EIF4G3: variants seen among roughly 807,000 people sequenced by gnomAD.
The protein encoded by EIF4G3 is eIF-4-gamma 3.
Under a neutral mutation model 186.4 loss-of-function variants are expected in EIF4G3, and 34 were observed. The ratio of observed to expected loss-of-function variants is 0.18; its 90% CI spans 0.14 to 0.24. EIF4G3 has a LOEUF of 0.24. Among genes scored for constraint, EIF4G3 ranks in the 10% least tolerant of loss-of-function variants. EIF4G3 has a pLI of 1.00. For synonymous variants in EIF4G3, 673 were observed against 679.5 expected, an observed-to-expected ratio of 0.99 and a Z score of 0.15; for missense variants, 1,536 against 1,948.5, an observed-to-expected ratio of 0.79 and a Z score of 3.99.
chr1:21,047,637 G>A (rs778526540), intron 4 of EIF4G3, among the ~76,000 whole-genome samples: 2 of 151,880 alleles, frequency 1.3e-5, no homozygotes, highest in East Asian at 1.9e-4. Context: ...TCCCTTCTTC[G>A]TGTTTCATAT....
intron 13 of EIF4G3, among the ~76,000 whole-genome samples, chr1:20,943,343 T>TA (rs2095795498): frequency 6.6e-6 from 1 of 152,166 alleles, no homozygotes; most frequent in Non-Finnish European, 1.5e-5. Context: ...TGCATCTGTG[T>TA]ATATATAGAG....
chr1:21,159,839 G>A (rs1377386520), intron 2 of EIF4G3, among the ~76,000 whole-genome samples: 2 of 151,882 alleles, frequency 1.3e-5, no homozygotes, highest in African/African-American at 4.8e-5. Flanking sequence ...AGGTGCGGTG[G>A]CTTACACCTG....
chr1:20,980,931 C>T (rs1166284951), intron 9 of EIF4G3, 117 bp downstream of exon 9: 4 of 754,792 alleles, frequency 5.3e-6, no homozygotes, highest in Non-Finnish European at 7.8e-6. Context: ...ACCAACAAAA[C>T]AGTTCACACG....
intron 4 of EIF4G3, among the ~76,000 whole-genome samples, chr1:21,019,913 C>A (rs1261904441): frequency 6.6e-6 from 1 of 151,884 alleles, no homozygotes; most frequent in Non-Finnish European, 1.5e-5. Flanking sequence ...AAAATGCCCC[C>A]ATGAACATAA....
chr1:20,830,378 C>G (rs942752462), intron 30 of EIF4G3, among the ~76,000 whole-genome samples: 2 of 152,204 alleles, frequency 1.3e-5, no homozygotes, highest in African/African-American at 2.4e-5. Flanking sequence ...ATCCTTAATT[C>G]CAACTTTCTG....
chr1:20,887,158 T>C (rs1326719727), intron 18 of EIF4G3, among the ~76,000 whole-genome samples: 2 of 152,192 alleles, frequency 1.3e-5, no homozygotes, highest in African/African-American at 4.8e-5. Context: ...TGCTGCATGT[T>C]GACAACCTTT....
rs768383970 is a variant in EIF4G3 at position 20,941,627 on chromosome 1, C to T, written c.1527G>A (p.Glu509=). The T allele has an allele frequency of 6.2e-7, 1 of 1,614,154 alleles. No homozygotes were observed. Among genetic ancestry groups the T allele is most frequent in the South Asian group, 1.1e-5 (1 of 91,072 alleles). ...GGCAAGTTCTTATGCTCTCGTCCTC[C>T]TCTAGGACTCTCTGGACTGTGATGG... ...SAAITVQRVL[E]EDESIRTCLS... Residue 509 remains glutamate, a synonymous_variant, in exon 14 of 37, where the codon GAG becomes GAA. Coordinates refer to ENST00000602326, the MANE Select transcript of EIF4G3 (RefSeq NM_001391906.1).
intron 33 of EIF4G3, among the ~76,000 whole-genome samples, chr1:20,822,182 T>C (rs2062551828): frequency 1.3e-5 from 2 of 152,146 alleles, no homozygotes; most frequent in Non-Finnish European, 2.9e-5. Context: ...GGCTGATGTA[T>C]TTATTGACAT....
At chr1:20,926,251 C>T (rs530441568) in intron 14 of EIF4G3, among the ~76,000 whole-genome samples, 4 of 152,258 alleles carry the variant, frequency 2.6e-5, no homozygotes, top group South Asian at 4.1e-4. Flanking sequence ...ACTATATAAC[C>T]TTCAGCAAGT....
chr1:20,934,871 C>T (rs1406570079), intron 14 of EIF4G3, among the ~76,000 whole-genome samples: 6 of 152,172 alleles, frequency 3.9e-5, no homozygotes, highest in Non-Finnish European at 5.9e-5. Flanking sequence ...AGGCCTATGA[C>T]TCTGATCATA....
intron 6 of EIF4G3, among the ~76,000 whole-genome samples, chr1:20,999,554 C>T (rs557881703): frequency 6.6e-6 from 1 of 152,196 alleles, no homozygotes; most frequent in Admixed American, 6.5e-5. Context: ...AAAGCTAAAA[C>T]TTTGTACATT....
chr1:20,990,647 C>T (rs537936019), intron 7 of EIF4G3, among the ~76,000 whole-genome samples: 8 of 150,828 alleles, frequency 5.3e-5, no homozygotes, highest in Non-Finnish European at 8.9e-5. Flanking sequence ...CCAGCCTGGG[C>T]GACAGAGCAA....
intron 2 of EIF4G3, among the ~76,000 whole-genome samples, chr1:21,143,181 A>G (rs779860662): frequency 6.6e-6 from 1 of 151,860 alleles, no homozygotes; most frequent in Non-Finnish European, 1.5e-5. Context: ...CCTGGGAGGC[A>G]GAGGTTGCAG....
chr1:20,839,832 T>C (rs776516792), intron 30 of EIF4G3, among the ~76,000 whole-genome samples: 110 of 142,710 alleles, frequency 7.7e-4, no homozygotes, highest in Admixed American at 9.3e-4. Context: ...AGGATTGCCA[T>C]ATGTGAAATG....
intron 4 of EIF4G3, among the ~76,000 whole-genome samples, chr1:21,020,336 A>T (rs1199964979): frequency 6.6e-6 from 1 of 152,136 alleles, no homozygotes; most frequent in African/African-American, 2.4e-5. Flanking sequence ...AAAAAAATTT[A>T]AAAATTACCC....
intron 34 of EIF4G3, among the ~76,000 whole-genome samples, chr1:20,813,555 C>T (rs1380771334): frequency 2.0e-5 from 3 of 146,704 alleles, no homozygotes; most frequent in East Asian, 2.1e-4. Context: ...GGTGACAGAG[C>T]GAGACCTTGT....
chr1:20,994,628 C>CTTTTTT lies in EIF4G3; in HGVS notation c.177+2967_177+2972dup, dbSNP rs3081939. 9.5e-3 allele frequency among the ~76,000 whole-genome samples: 1,178 copies of CTTTTTT among 124,384 alleles called. 38 individuals are homozygous for CTTTTTT. Among genetic ancestry groups the CTTTTTT allele is most frequent in the African/African-American group, 0.015 (514 of 33,166 alleles). 81.6% of individuals were successfully genotyped at this position (124,384 alleles called of 152,430 possible). A position where few individuals can be genotyped will look rare whatever the true frequency, so the allele number is the denominator to read the frequency against. Reference sequence around the variant, plus strand: ...ATAATAAATATAATAAACATATATACTTTTTTTTTTTTTTTTTTGAGATAA... The same window carrying CTTTTTT: ...ATAATAAATATAATAAACATATATACTTTTTTTTTTTTTTTTTTTTTTTTGAGATAA... On this transcript the variant is annotated intron_variant, in intron 7 of 36. Transcript: ENST00000602326.
At chr1:21,090,238 TCTC>T (rs2096141649) in intron 2 of EIF4G3, among the ~76,000 whole-genome samples, 1 of 152,138 alleles carries the variant, frequency 6.6e-6, no homozygotes, top group Non-Finnish European at 1.5e-5. Context: ...AATTTCGAAT[TCTC>T]CTCTTTCTTT....
At chr1:20,839,126 TGC>T (rs1233035837) in intron 30 of EIF4G3, among the ~76,000 whole-genome samples, 1 of 152,046 alleles carries the variant, frequency 6.6e-6, no homozygotes, top group Non-Finnish European at 1.5e-5. Flanking sequence ...TACAGGTGCG[TGC>T]CACCACGCCC....
Sources: gnomAD v4.1 joint callset for allele counts (sites outside exome capture counted in the v4.1 genomes callset) on GRCh38, gnomAD v4.1.1 for gene constraint, MANE v1.5 for transcripts, NCBI Gene and HGNC (gene_info 2026-07-23, HGNC 2026-07-21) for gene names.